AMDHD1: variants seen among roughly 807,000 people sequenced by gnomAD.
AMDHD1 encodes the protein probable imidazolonepropionase.
AMDHD1 carries 45 observed loss-of-function variants against 44.1 expected under a neutral mutation model. The ratio of observed to expected loss-of-function variants is 1.02; its 90% CI spans 0.80 to 1.31. The LOEUF is 1.31. AMDHD1 is among the 50% of genes most tolerant of loss of function. The pLI is 0.00. For synonymous variants in AMDHD1, 206 were observed against 205.0 expected (o/e 1.00, Z -0.04); for missense variants, 586 against 552.1 (o/e 1.06, Z -0.61).
At chr12:95,944,289 C>T (rs781573245) in intron 1 of AMDHD1, among the ~76,000 whole-genome samples, 4 of 152,034 alleles carry the variant, frequency 2.6e-5, no homozygotes, top group Non-Finnish European at 4.4e-5. Flanking sequence ...TAGGGTTGTG[C>T]AAGAGCCCAG....
intron 1 of AMDHD1, among the ~76,000 whole-genome samples, chr12:95,950,716 TGTG>T (rs1409697612): frequency 6.6e-6 from 1 of 152,148 alleles, no homozygotes; most frequent in Admixed American, 6.6e-5. Context: ...CATCTCTAGT[TGTG>T]GTGTCTGCAT....
At chr12:95,966,083 G>C (rs565823695) in intron 7 of AMDHD1, among the ~76,000 whole-genome samples, 2 of 152,216 alleles carry the variant, frequency 1.3e-5, no homozygotes, top group African/African-American at 4.8e-5. Flanking sequence ...AGAGGTCTTA[G>C]TAAGTATGGA....
At chr12:95,961,881 C>G (rs2080583633) in intron 5 of AMDHD1, among the ~76,000 whole-genome samples, 1 of 152,190 alleles carries the variant, frequency 6.6e-6, no homozygotes, top group Admixed American at 6.5e-5. Flanking sequence ...AAATGAGTGC[C>G]CATTACAAAC....
chr12:95,967,714 AC>A, intron 8 of AMDHD1, 41 bp from the exon 9 acceptor site: 1 of 1,412,740 alleles, frequency 7.1e-7, no homozygotes, highest in African/African-American at 1.5e-5. Context: ...TTTTACTTGC[AC>A]ACATTGAAGT....
At chr12:95,948,000 C>G (rs2080506805) in intron 1 of AMDHD1, among the ~76,000 whole-genome samples, 1 of 130,910 alleles carries the variant, frequency 7.6e-6, no homozygotes, top group African/African-American at 2.9e-5. Context: ...GGGGGTCAGC[C>G]CCCCGCCCGG....
intron 4 of AMDHD1, among the ~76,000 whole-genome samples, chr12:95,959,733 G>A (rs905170251): frequency 6.6e-6 from 1 of 151,712 alleles, no homozygotes; most frequent in East Asian, 1.9e-4. Context: ...ACCACAGGTG[G>A]GTCATCAGGG....
intron 6 of AMDHD1, among the ~76,000 whole-genome samples, chr12:95,964,076 C>G (rs1392533861): frequency 6.7e-6 from 1 of 148,152 alleles, no homozygotes; most frequent in Non-Finnish European, 1.5e-5. Context: ...AGTCTTGAAT[C>G]TCTTGACATG....
At position 95,943,395 on chromosome 12, in the gene AMDHD1, C is replaced by T. The variant is rs1230331184; in HGVS notation, c.-4C>T. 9 of 1,492,804 alleles carry T rather than the reference C, an allele frequency of 6.0e-6. No individual in the cohort carries two copies. The African/African-American group carries it at 1.3e-4, about 22-fold the overall frequency. The allele number at this position is 1,492,804 out of a possible 1,614,324, so 92.5% of individuals were successfully genotyped here. On this transcript the variant is annotated 5_prime_UTR_variant, in exon 1 of 9. Transcript: ENST00000266736. ...CCTCCCGGCGACCCTCGGCGCGAGG[C>T]GACATGGCAAGCGGCCACAGCCTCC...
At chr12:95,949,160 G>GAAAAAAAAAAAAAAAAAAAAAAAAAAAA (rs1358481972) in intron 1 of AMDHD1, among the ~76,000 whole-genome samples, 1 of 101,774 alleles carries the variant, frequency 9.8e-6, no homozygotes, top group Non-Finnish European at 2.2e-5. Context: ...AAAAAAAAAA[G>GAAAAAAAAAAAAAAAAAAAAAAAAAAAA]AAAAAAAAAA....
Position 95,943,423 on chromosome 12 carries a change from C to T in AMDHD1, c.25C>T (p.Leu9=), listed in dbSNP as rs1408990600. 1.0e-5 allele frequency: 15 copies of T among 1,505,242 alleles called. No homozygotes were observed. Among genetic ancestry groups the T allele is most frequent in the Non-Finnish European group, 1.3e-5 (15 of 1,134,094 alleles). The allele number at this position is 1,505,242 out of a possible 1,614,324, so 93.2% of individuals were successfully genotyped here. A position where few individuals can be genotyped will look rare whatever the true frequency, so the allele number is the denominator to read the frequency against. The change falls in exon 1 of 9, where the codon CTG becomes TTG. Residue 9 remains leucine (L), a synonymous_variant. Transcript: ENST00000266736. The stretch of plus-strand genomic sequence containing the variant: ...CATGGCAAGCGGCCACAGCCTCCTG[C>T]TGGAGAACGCGCAGCAAGTGGTGCT... MASGHSLL[L]ENAQQVVLVC... is the part of the protein sequence containing the mutation.
rs1174585743 is a variant in AMDHD1, at chr12:95,960,533, T to G, written c.723T>G (p.Asp241Glu). Reference protein sequence around the residue: ...VFCEKGVFDLDSTRRILQRGK... With the variant: ...VFCEKGVFDLESTRRILQRGK... ...GTGAGAAAGGTGTCTTTGATCTCGATTCCACCAGAAGGATTCTTCAACGTG... is the reference window on the plus strand; with the variant it reads ...GTGAGAAAGGTGTCTTTGATCTCGAGTCCACCAGAAGGATTCTTCAACGTG... Residue 241 changes from aspartate (D) to glutamate (E), a missense_variant, in exon 5 of 9, where the codon GAT becomes GAG. By Grantham distance (45) the Asp-to-Glu change is conservative (BLOSUM62 2). Coordinates refer to ENST00000266736, the MANE Select transcript of AMDHD1 (RefSeq NM_152435.3). The G allele has an allele frequency of 6.2e-7, 1 of 1,614,206 alleles. No individual in the cohort carries two copies. The highest frequency in any genetic ancestry group is 1.7e-5 in the Admixed American group (1 of 60,026).
chr12:95,966,201 G>A lies in AMDHD1; in HGVS notation c.1033-147G>A, dbSNP rs542091191. On this transcript the variant is annotated intron_variant, in intron 7 of 8. Transcript: ENST00000266736. Reference sequence around the variant, plus strand: ...TTTTCCAAAGTCTAAGAATCTTTATGTATAAACTTAGATTTTTCCCATTGC... The same window carrying A: ...TTTTCCAAAGTCTAAGAATCTTTATATATAAACTTAGATTTTTCCCATTGC... 30 of 802,058 alleles carry A rather than the reference G, an allele frequency of 3.7e-5. No individual in the cohort carries two copies. In the African/African-American group the frequency reaches 4.5e-4, roughly 12 times the overall value. 49.7% of individuals were successfully genotyped at this position (802,058 alleles called of 1,614,324 possible).
chr12:95,950,880 A>AG (rs1331710617), intron 1 of AMDHD1, among the ~76,000 whole-genome samples: 1 of 151,766 alleles, frequency 6.6e-6, no homozygotes, highest in African/African-American at 2.4e-5. Context: ...TAGTGTAAAA[A>AG]AGGGAACATT....
intron 6 of AMDHD1, among the ~76,000 whole-genome samples, chr12:95,965,360 C>A (rs1257830029): frequency 6.7e-6 from 1 of 149,424 alleles, no homozygotes; most frequent in Non-Finnish European, 1.5e-5. Flanking sequence ...TTGGGAGTCA[C>A]CAAAAAGCTT....
rs12308844 is a variant in AMDHD1 at position 95,965,247 on chromosome 12, C to T, written c.939-439C>T. On this transcript the variant is annotated intron_variant, in intron 6 of 8. Transcript: ENST00000266736. ...CCAGAAGGTAGAAGTTGGAGTGAGC[C>T]GAGATCGTGCCACTGCACTCCAGCC... Among the ~76,000 whole-genome samples the T allele has an allele frequency of 8.4e-3, 1,202 of 142,396 alleles. 20 individuals carry two copies. The highest frequency in any genetic ancestry group is 0.03 in the African/African-American group (1,140 of 38,328). The allele number at this position is 142,396 out of a possible 152,430, so 93.4% of individuals were successfully genotyped here. A position where few individuals can be genotyped will look rare whatever the true frequency, so the allele number is the denominator to read the frequency against.
intron 1 of AMDHD1, 147 bp downstream of exon 1, chr12:95,943,682 C>G: frequency 1.7e-6 from 2 of 1,159,582 alleles, no homozygotes; most frequent in South Asian, 4.1e-5. Flanking sequence ...GTACCTGTTG[C>G]TAACACGCTC....
Position 95,956,961 on chromosome 12 carries a change from A to C in AMDHD1, c.586A>C (p.Lys196Gln), listed in dbSNP as rs1020642039. 8 of 1,611,790 alleles carry C rather than the reference A, an allele frequency of 5.0e-6. No homozygotes were observed. Among genetic ancestry groups the C allele is most frequent in the Non-Finnish European group, 5.1e-6 (6 of 1,179,714 alleles). ...ATYCGAHSVP[K>Q]GKTATEAADD... ...CTACTGCGGGGCTCATTCAGTGCCT[A>C]AGTAATCTCAGCCAGTGGGGGCCCG... The change falls in exon 4 of 9, where the codon AAA (lysine) becomes CAA (glutamine). Residue 196 changes from lysine (K) to glutamine (Q), a missense_variant and splice_region_variant. Lys to Gln is a moderately conservative substitution (Grantham distance 53). Transcript: ENST00000266736.
Position 95,960,725 on chromosome 12 carries a change from G to T in AMDHD1, c.813+102G>T. 4 of 1,207,488 alleles carry T rather than the reference G, an allele frequency of 3.3e-6. No homozygotes were observed. In the South Asian group the frequency reaches 4.5e-5, roughly 13 times the overall value. 74.8% of individuals were successfully genotyped at this position (1,207,488 alleles called of 1,614,324 possible). ...CTTCAAAGCCCTCTGAAAAGATATT[G>T]AATGGGGAAATTTGTTTGAACAATG... On this transcript the variant is annotated intron_variant, in intron 5 of 8. Coordinates refer to ENST00000266736, the MANE Select transcript of AMDHD1 (RefSeq NM_152435.3).
chr12:95,956,388 G>A (rs1227422015), intron 3 of AMDHD1, among the ~76,000 whole-genome samples: 1 of 152,162 alleles, frequency 6.6e-6, no homozygotes, highest in African/African-American at 2.4e-5. Context: ...GATTACAGGC[G>A]TGAGCCACCG....
Sources: allele counts gnomAD v4.1 joint callset (sites outside exome capture counted in the v4.1 genomes callset), GRCh38; gene constraint gnomAD v4.1.1; transcripts MANE v1.5; gene names NCBI Gene and HGNC (gene_info 2026-07-23, HGNC 2026-07-21).